PVT1: variants seen among roughly 807,000 people sequenced by gnomAD.
The protein encoded by PVT1 is CXCR4/PVT1 fusion.
intron 4 of PVT1, among the ~76,000 whole-genome samples, chr8:128,040,247 A>G (rs1813514778): frequency 6.6e-6 from 1 of 152,384 alleles, no homozygotes; most frequent in East Asian, 1.9e-4. Flanking sequence ...ATTACCCTCC[A>G]CAATGTGAAT....
At chr8:127,835,231 T>C (rs1162720141) in intron 2 of PVT1, among the ~76,000 whole-genome samples, 1 of 151,888 alleles carries the variant, frequency 6.6e-6, no homozygotes, top group Non-Finnish European at 1.5e-5. Context: ...ATAAAGAAAA[T>C]GTGGCACATA....
chr8:127,817,749 C>T (rs1814683000), intron 2 of PVT1, among the ~76,000 whole-genome samples: 1 of 150,616 alleles, frequency 6.6e-6, no homozygotes. Context: ...AAAAAATTAG[C>T]TGGGTGTGGT....
At chr8:127,918,417 G>T (rs1443307862) in intron 3 of PVT1, among the ~76,000 whole-genome samples, 2 of 152,168 alleles carry the variant, frequency 1.3e-5, no homozygotes, top group Non-Finnish European at 2.9e-5. Flanking sequence ...TCTCTTCCCT[G>T]ATCTGTGTCC....
chr8:128,066,755 G>T (rs1813916018), intron 4 of PVT1, among the ~76,000 whole-genome samples: 1 of 152,170 alleles, frequency 6.6e-6, no homozygotes, highest in South Asian at 2.1e-4. Flanking sequence ...TTCTTACCAG[G>T]ATCTTTTTCT....
chr8:127,929,976 A>T (rs1816183908), intron 3 of PVT1, among the ~76,000 whole-genome samples: 1 of 152,128 alleles, frequency 6.6e-6, no homozygotes, highest in South Asian at 2.1e-4. Context: ...CCTAAGGGAG[A>T]ATGTCTTTGC....
intron 5 of PVT1, among the ~76,000 whole-genome samples, chr8:128,081,870 G>A (rs917228866): frequency 1.3e-5 from 2 of 152,130 alleles, no homozygotes; most frequent in African/African-American, 4.8e-5. Flanking sequence ...TTGTAGATCC[G>A]TAGACCTGTA....
At position 128,043,294 on chromosome 8, in the gene PVT1, G is replaced by A. The variant is rs2648857; in HGVS notation, n.913-26866G>A. Among the ~76,000 whole-genome samples the A allele has an allele frequency of 7.4e-4, 112 of 152,278 alleles. 1 individual carries two copies. In the East Asian group the frequency reaches 0.02, roughly 28 times the overall value. ...CACCCTGTGGGTTAGATCTGTAGCTGGATAAAGCCCCCTAGGACTTCACGT... is the reference window on the plus strand; with the variant it reads ...CACCCTGTGGGTTAGATCTGTAGCTAGATAAAGCCCCCTAGGACTTCACGT... On this transcript the variant is annotated intron_variant and non_coding_transcript_variant, in intron 4 of 10. Transcript: ENST00000651587.
At chr8:127,954,844 C>T (rs1358205566) in intron 3 of PVT1, among the ~76,000 whole-genome samples, 1 of 152,178 alleles carries the variant, frequency 6.6e-6, no homozygotes, top group African/African-American at 2.4e-5. Context: ...CATGGGCCAG[C>T]GCTTTCTGTG....
chr8:127,910,684 T>G (rs1209077046), intron 3 of PVT1, among the ~76,000 whole-genome samples: 1 of 152,208 alleles, frequency 6.6e-6, no homozygotes, highest in Non-Finnish European at 1.5e-5. Flanking sequence ...TCTCATCTGT[T>G]AAATAATTTA....
rs573284965 is a variant in PVT1 at position 128,069,172 on chromosome 8, A to T, written n.913-988A>T. Reference sequence around the variant, plus strand: ...GGTATTGCGTCCTTCCTGAGATTACACAAAACCTGTATAGAGAGAGGCTAG... The same window carrying T: ...GGTATTGCGTCCTTCCTGAGATTACTCAAAACCTGTATAGAGAGAGGCTAG... On this transcript the variant is annotated intron_variant and non_coding_transcript_variant, in intron 4 of 10. Transcript: ENST00000651587. Among the ~76,000 whole-genome samples, 3 of 152,334 alleles carry T rather than the reference A, an allele frequency of 2.0e-5. No homozygotes were observed. In the South Asian group the frequency reaches 6.2e-4, roughly 32 times the overall value.
At chr8:127,858,802 A>ATTTTTTTTTTT (rs1442302514) in intron 2 of PVT1, among the ~76,000 whole-genome samples, 3 of 38,310 alleles carry the variant, frequency 7.8e-5, no homozygotes, top group Non-Finnish European at 1.8e-4. Context: ...ACACTTGAAG[A>ATTTTTTTTTTT]TTCTTTTTTT....
intron 5 of PVT1, among the ~76,000 whole-genome samples, chr8:128,093,589 G>A (rs1814388133): frequency 6.6e-6 from 1 of 152,040 alleles, no homozygotes; most frequent in Non-Finnish European, 1.5e-5. Flanking sequence ...GTTGCTATAA[G>A]GCTTGAAAGA....
chr8:127,799,978 AG>A (rs1204212650), intron 2 of PVT1, among the ~76,000 whole-genome samples: 1 of 152,212 alleles, frequency 6.6e-6, no homozygotes, highest in African/African-American at 2.4e-5. Flanking sequence ...GGTCTCAGGA[AG>A]GACAGGAATC....
intron 4 of PVT1, among the ~76,000 whole-genome samples, chr8:128,010,841 A>G (rs1349097610): frequency 6.6e-6 from 1 of 152,238 alleles, no homozygotes; most frequent in African/African-American, 2.4e-5. Flanking sequence ...GCAGAAAACA[A>G]GTTAAAGTTC....
At chr8:127,979,791 G>T (rs1306254332) in intron 3 of PVT1, among the ~76,000 whole-genome samples, 2 of 152,220 alleles carry the variant, frequency 1.3e-5, no homozygotes, top group Non-Finnish European at 2.9e-5. Context: ...CCCAGAGAGG[G>T]CTGATAGCTG....
chr8:128,097,172 C>T (rs1169431913), intron 6 of PVT1, among the ~76,000 whole-genome samples: 1 of 152,160 alleles, frequency 6.6e-6, no homozygotes, highest in Non-Finnish European at 1.5e-5. Flanking sequence ...ACCAGCCTGG[C>T]CAACATGGCG....
At chr8:128,029,404 AG>A (rs1813361934) in intron 4 of PVT1, among the ~76,000 whole-genome samples, 1 of 152,220 alleles carries the variant, frequency 6.6e-6, no homozygotes, top group South Asian at 2.1e-4. Flanking sequence ...CTGGGATTAC[AG>A]GTGTGAGCCA....
chr8:127,880,333 C>T (rs112435435), intron 2 of PVT1, among the ~76,000 whole-genome samples: 1,978 of 150,590 alleles, frequency 0.013, 39 homozygotes, highest in African/African-American at 0.046. Context: ...CTCTGTCCCC[C>T]AGGCTGGAGT....
intron 4 of PVT1, among the ~76,000 whole-genome samples, chr8:128,067,195 C>T (rs1387906378): frequency 6.6e-6 from 1 of 152,202 alleles, no homozygotes; most frequent in Admixed American, 6.5e-5. Context: ...TCTCGACTCC[C>T]TAACTCGGTT....
Sources: gnomAD v4.1 joint callset for allele counts (sites outside exome capture counted in the v4.1 genomes callset) on GRCh38, gnomAD v4.1.1 for gene constraint, MANE v1.5 for transcripts, NCBI Gene and HGNC (gene_info 2026-07-23, HGNC 2026-07-21) for gene names.